KAT6B: variants seen among roughly 807,000 people sequenced by gnomAD.
The protein encoded by KAT6B is histone acetyltransferase KAT6B.
KAT6B carries 10 observed loss-of-function variants against 187.5 expected under a neutral mutation model. The ratio of observed to expected loss-of-function variants is 0.05; its 90% CI spans 0.03 to 0.09. KAT6B has a LOEUF of 0.09. Ranked by LOEUF, KAT6B falls within the 10% of genes least tolerant of loss-of-function variation. KAT6B has a pLI of 1.00. For synonymous variants in KAT6B, 861 were observed against 926.8 expected (o/e 0.93, Z 1.29); for missense variants, 1,952 against 2,558.9 (o/e 0.76, Z 5.12).
chr10:74,927,668 C>G (rs1436211566), intron 3 of KAT6B, among the ~76,000 whole-genome samples: 1 of 152,114 alleles, frequency 6.6e-6, no homozygotes, highest in Non-Finnish European at 1.5e-5. Flanking sequence ...TCAGGTTTCT[C>G]TCTCATGCTA....
At chr10:74,932,288 C>T (rs1848937015) in intron 3 of KAT6B, among the ~76,000 whole-genome samples, 3 of 152,190 alleles carry the variant, frequency 2.0e-5, no homozygotes, top group African/African-American at 7.2e-5. Context: ...TATGTCACCT[C>T]ATGTAATTCC....
At chr10:75,007,444 A>G (rs1409253863) in intron 13 of KAT6B, among the ~76,000 whole-genome samples, 1 of 152,226 alleles carries the variant, frequency 6.6e-6, no homozygotes, top group East Asian at 1.9e-4. Context: ...CCCCTAGATT[A>G]AAATGACATT....
At chr10:74,869,262 A>G (rs1050835359) in intron 3 of KAT6B, among the ~76,000 whole-genome samples, 1 of 151,760 alleles carries the variant, frequency 6.6e-6, no homozygotes, top group Non-Finnish European at 1.5e-5. Context: ...TTTTTTAAAC[A>G]TAGTGTTATT....
intron 1 of KAT6B, among the ~76,000 whole-genome samples, chr10:74,831,710 T>C (rs961392499): frequency 6.6e-6 from 1 of 152,254 alleles, no homozygotes; most frequent in Non-Finnish European, 1.5e-5. Context: ...TAGCATTTTA[T>C]TGTGTTCCTG....
At chr10:74,953,394 A>G (rs1162533069) in intron 3 of KAT6B, among the ~76,000 whole-genome samples, 2 of 152,222 alleles carry the variant, frequency 1.3e-5, no homozygotes, top group African/African-American at 4.8e-5. Context: ...TTTGTAGTTT[A>G]CAAAATACTT....
intron 1 of KAT6B, among the ~76,000 whole-genome samples, chr10:74,835,878 A>G (rs538182170): frequency 1.3e-5 from 2 of 152,342 alleles, no homozygotes; most frequent in South Asian, 4.1e-4. Flanking sequence ...TGAACAAATC[A>G]GTGGCATTTA....
intron 3 of KAT6B, among the ~76,000 whole-genome samples, chr10:74,851,953 A>C (rs768490324): frequency 9.8e-5 from 15 of 152,310 alleles, no homozygotes; most frequent in Middle Eastern, 6.8e-3. Context: ...GCCCTAGAGC[A>C]GACCCTCCTC....
intron 13 of KAT6B, 90 bp downstream of exon 13, chr10:74,989,202 A>G (rs1842983016): frequency 2.2e-6 from 2 of 915,978 alleles, no homozygotes; most frequent in Non-Finnish European, 3.7e-6. Flanking sequence ...TTTAACCTGC[A>G]TTGTTGTTTT....
At chr10:75,004,884 G>A (rs1392857310) in intron 13 of KAT6B, among the ~76,000 whole-genome samples, 1 of 151,520 alleles carries the variant, frequency 6.6e-6, no homozygotes, top group Admixed American at 6.6e-5. Flanking sequence ...AGGGGGAGGG[G>A]TGGGGGGTCA....
At chr10:75,019,764 CTTT>C (rs71307707) in intron 13 of KAT6B, among the ~76,000 whole-genome samples, 1 of 129,418 alleles carries the variant, frequency 7.7e-6, no homozygotes, top group Non-Finnish European at 1.7e-5. Context: ...GGGCTGGTTT[CTTT>C]TTTTTTTTTT....
At position 75,017,487 on chromosome 10, in the gene KAT6B, G is replaced by A. The variant is rs188867158; in HGVS notation, c.2630-3095G>A. ...ATCTTAGCCAGGCATGGCCACTGGC[G>A]CCTGTAATCCCAGCTACTCAGGAAG... On this transcript the variant is annotated intron_variant, in intron 13 of 17. Transcript: ENST00000287239. 3.9e-5 allele frequency among the ~76,000 whole-genome samples: 6 copies of A among 152,206 alleles called. No individual in the cohort carries two copies. The East Asian group carries it at 1.2e-3, about 29-fold the overall frequency.
intron 3 of KAT6B, among the ~76,000 whole-genome samples, chr10:74,870,341 A>G (rs1449967812): frequency 6.6e-6 from 1 of 152,124 alleles, no homozygotes; most frequent in Non-Finnish European, 1.5e-5. Flanking sequence ...CATGAGACCT[A>G]TATTGAAGGG....
At chr10:74,994,257 C>CCATGATTGA (rs1434750222) in intron 13 of KAT6B, among the ~76,000 whole-genome samples, 1 of 152,018 alleles carries the variant, frequency 6.6e-6, no homozygotes, top group East Asian at 1.9e-4. Context: ...CCTGTCATTA[C>CCATGATTGA]CATGATTGAT....
intron 3 of KAT6B, among the ~76,000 whole-genome samples, chr10:74,948,294 G>A (rs1264383148): frequency 2.0e-5 from 3 of 152,236 alleles, no homozygotes; most frequent in African/African-American, 4.8e-5. Flanking sequence ...TATATTCTGC[G>A]TGGCATACTT....
intron 13 of KAT6B, among the ~76,000 whole-genome samples, chr10:75,006,073 C>A (rs1844185854): frequency 6.6e-6 from 1 of 152,140 alleles, no homozygotes; most frequent in Middle Eastern, 3.2e-3. Flanking sequence ...CAAATACAGT[C>A]ATCATTTTAA....
chr10:75,025,643 C>T (rs929979368), intron 17 of KAT6B: 4 of 213,256 alleles, frequency 1.9e-5, no homozygotes, highest in Non-Finnish European at 3.8e-5. Flanking sequence ...TGAATGGAAT[C>T]GTTTCTTTTT....
At chr10:74,977,138 G>T in intron 8 of KAT6B, 178 bp from the exon 9 acceptor site, 1 of 542,372 alleles carries the variant, frequency 1.8e-6, no homozygotes, top group Non-Finnish European at 3.3e-6. Context: ...TTTGAGTATA[G>T]CAGGGAAAGG....
intron 3 of KAT6B, among the ~76,000 whole-genome samples, chr10:74,944,013 C>T (rs900610846): frequency 1.3e-5 from 2 of 152,256 alleles, no homozygotes; most frequent in South Asian, 2.1e-4. Flanking sequence ...GAAGCAGCTA[C>T]GGATAAAGCT....
intron 3 of KAT6B, among the ~76,000 whole-genome samples, chr10:74,940,276 C>G (rs887184613): frequency 1.3e-5 from 2 of 150,252 alleles, no homozygotes; most frequent in Non-Finnish European, 3.0e-5. Flanking sequence ...CATATTTTTC[C>G]CCTTTTTTTT....
Sources: gnomAD v4.1 joint callset for allele counts (sites outside exome capture counted in the v4.1 genomes callset) on GRCh38, gnomAD v4.1.1 for gene constraint, MANE v1.5 for transcripts, NCBI Gene and HGNC (gene_info 2026-07-23, HGNC 2026-07-21) for gene names.